The following MCAM variants were observed in gnomAD, a reference collection of about 807,000 sequenced individuals.
The protein encoded by MCAM is melanoma cell adhesion molecule.
Under a neutral mutation model 79.1 loss-of-function variants are expected in MCAM, and 55 were observed. The observed-to-expected ratio is 0.70, with a 90% CI of 0.56 to 0.87. MCAM has a LOEUF of 0.87. Ranked by LOEUF, MCAM falls within the 40% of genes least tolerant of loss-of-function variation. MCAM has a pLI of 0.00. For synonymous variants in MCAM, 330 were observed against 339.8 expected, an observed-to-expected ratio of 0.97 and a Z score of 0.32; for missense variants, 745 against 839.8, an observed-to-expected ratio of 0.89 and a Z score of 1.40.
At chr11:119,310,554 G>A in intron 14 of MCAM, 88 bp from the exon 15 acceptor site, 1 of 1,098,540 alleles carries the variant, frequency 9.1e-7, no homozygotes. Flanking sequence ...ATGGATGAGG[G>A]CTCCTTGCTC....
chr11:119,313,466 C>T (rs545636852), intron 5 of MCAM: 8 of 523,886 alleles, frequency 1.5e-5, no homozygotes, highest in Admixed American at 3.8e-5. Flanking sequence ...GGTACAATCT[C>T]GGCTCACCGC....
intron 5 of MCAM, chr11:119,313,400 T>A (rs1950263660): frequency 9.0e-7 from 1 of 1,112,312 alleles, no homozygotes; most frequent in Non-Finnish European, 1.1e-6. Flanking sequence ...CTGATAATTT[T>A]TTTTTTTTTT....
At position 119,315,391 on chromosome 11, in the gene MCAM, A is replaced by T. The variant is rs967473426; in HGVS notation, c.68-128T>A. On this transcript the variant is annotated intron_variant, in intron 1 of 15. Coordinates refer to ENST00000264036, the MANE Select transcript of MCAM (RefSeq NM_006500.3). The surrounding 1 kb of genome is among the most constrained non-coding windows in gnomAD (Gnocchi z 4.4). ...GTCTGCAGAGGGCCCTGTCCTCTGA[A>T]CGCTCTACCCCCACCCCGACCCGCG... 8.0e-7 allele frequency: 1 copy of T among 1,246,746 alleles called. No homozygotes were observed. The highest frequency in any genetic ancestry group is 1.5e-5 in the African/African-American group (1 of 67,068). The allele number at this position is 1,246,746 out of a possible 1,614,324, so 77.2% of individuals were successfully genotyped here.
intron 14 of MCAM, 71 bp from the exon 15 acceptor site, chr11:119,310,537 A>C (rs1313924981): frequency 3.5e-6 from 4 of 1,156,240 alleles, no homozygotes; most frequent in Middle Eastern, 1.9e-4. Flanking sequence ...GCTGTGAAGG[A>C]TGTGGAATGG....
chr11:119,312,747 CAG>C lies in MCAM; in HGVS notation c.739+21_739+22del, dbSNP rs773929531. On this transcript the variant is annotated intron_variant, in intron 6 of 15. Coordinates refer to ENST00000264036, the MANE Select transcript of MCAM (RefSeq NM_006500.3). This position sits in a 1 kb window ranked among gnomAD's most constrained non-coding sequence, Gnocchi z 4.9. ...TTCCAGCAGCCCCAGCCCCAGTAAG[CAG>C]AGAGTCAGGTTAGTACTCACAGAAA... 6 of 1,613,190 alleles carry C rather than the reference CAG, an allele frequency of 3.7e-6. No individual in the cohort carries two copies. Among genetic ancestry groups the C allele is most frequent in the East Asian group, 4.5e-5 (2 of 44,860 alleles).
rs1202721408 is a variant in MCAM at position 119,314,828 on chromosome 11, C to T, written c.400+5G>A. On this transcript the variant is annotated splice_donor_5th_base_variant and intron_variant, in intron 3 of 15. Coordinates refer to ENST00000264036, the MANE Select transcript of MCAM (RefSeq NM_006500.3). ...TACCCTGCTGGCAGACACAGGGTCA[C>T]GCACTGTAGACGCGGAGCTGGATGC... The T allele has an allele frequency of 4.3e-6, 7 of 1,613,554 alleles. No homozygotes were observed. The highest frequency in any genetic ancestry group is 5.9e-6 in the Non-Finnish European group (7 of 1,179,962).
At position 119,312,656 on chromosome 11, in the gene MCAM, G is replaced by A. The variant is rs752580565; in HGVS notation, c.740-8C>T. The stretch of plus-strand genomic sequence containing the variant: ...ACACTTTTTCTGTCGGGTCTGCATA[G>A]GCAAAGGGGGTAGCTCTTGGCCCAT... On this transcript the variant is annotated splice_polypyrimidine_tract_variant and splice_region_variant and intron_variant, in intron 6 of 15. Transcript: ENST00000264036. This position sits in a 1 kb window ranked among gnomAD's most constrained non-coding sequence, Gnocchi z 4.9. 1.9e-6 allele frequency: 3 copies of A among 1,614,006 alleles called. No homozygotes were observed. In the African/African-American group the frequency reaches 4.0e-5, roughly 22 times the overall value.
In MCAM at chr11:119,314,579, A is replaced by T; in HGVS notation, c.472-3T>A. 1 of 1,613,684 alleles carries T rather than the reference A, an allele frequency of 6.2e-7. No individual in the cohort carries two copies. Among genetic ancestry groups the T allele is most frequent in the South Asian group, 1.1e-5 (1 of 91,066 alleles). On this transcript the variant is annotated splice_polypyrimidine_tract_variant and splice_region_variant and intron_variant, in intron 4 of 15. Transcript: ENST00000264036. ...TTCCTCCCTACACAGGTAGCGACCT[A>T]AAGAGCACAGGGTGTGAGTCTCCCT...
chr11:119,310,978 G>T (rs1317527574), intron 13 of MCAM, 75 bp from the exon 14 acceptor site: 3 of 1,613,686 alleles, frequency 1.9e-6, no homozygotes, highest in Non-Finnish European at 2.5e-6. Flanking sequence ...AGCCAGTCCA[G>T]GGCCGACAAG....
Position 119,309,618 on chromosome 11 carries a change from C to T in MCAM, c.*268G>A, listed in dbSNP as rs1408112052. On this transcript the variant is annotated 3_prime_UTR_variant, in exon 16 of 16. Coordinates refer to ENST00000264036, the MANE Select transcript of MCAM (RefSeq NM_006500.3). Reference sequence around the variant, plus strand: ...AAAAACACGTTCTGCAAGAAACTCTCCTACCCGCTCGGGAGACTGGGGCTC... The same window carrying T: ...AAAAACACGTTCTGCAAGAAACTCTTCTACCCGCTCGGGAGACTGGGGCTC... 3 of 535,594 alleles carry T rather than the reference C, an allele frequency of 5.6e-6. No homozygotes were observed. The highest frequency in any genetic ancestry group is 3.8e-5 in the African/African-American group (2 of 52,790). 33.2% of individuals were successfully genotyped at this position (535,594 alleles called of 1,614,324 possible).
rs1435604857 is a variant in MCAM at position 119,310,843 on chromosome 11, A to T, written c.1706T>A (p.Ile569Asn). 1.9e-6 allele frequency: 3 copies of T among 1,614,154 alleles called. No homozygotes were observed. Among genetic ancestry groups the T allele is most frequent in the Non-Finnish European group, 2.5e-6 (3 of 1,180,016 alleles). Residue 569 changes from isoleucine (I) to asparagine (N), a missense_variant, in exon 14 of 16, where the codon ATC becomes AAC. Ile to Asn is a moderately radical substitution (Grantham distance 149). Transcript: ENST00000264036. ...GVVIVAVIVC[I>N]LVLAVLGAVL... The stretch of plus-strand genomic sequence containing the variant: ...AGCGCCCAGCACCGCCAGGACCAGG[A>T]TGCACACAATCACAGCCACGATGAC...
intron 5 of MCAM, 165 bp from the exon 6 acceptor site, chr11:119,313,114 C>G (rs1471719046): frequency 6.5e-7 from 1 of 1,535,694 alleles, no homozygotes; most frequent in Non-Finnish European, 8.7e-7. Flanking sequence ...AGCACTTTTA[C>G]TGCTCAGTGT....
rs531998445 is a variant in MCAM, at chr11:119,312,076, G to C, written c.1119C>G (p.Leu373=). 6.2e-7 allele frequency: 1 copy of C among 1,611,778 alleles called. No individual in the cohort carries two copies. The highest frequency in any genetic ancestry group is 1.7e-5 in the Admixed American group (1 of 59,852). ...LTCEAESSQD[L]EFQWLREETG... is the part of the protein sequence containing the mutation. Reference sequence around the variant, plus strand: ...CCTCTTCTCTCAGCCACTGGAACTCGAGGTCCTGGCTACTCTCTGCCTCAC... The same window carrying C: ...CCTCTTCTCTCAGCCACTGGAACTCCAGGTCCTGGCTACTCTCTGCCTCAC... The change falls in exon 9 of 16, where the codon CTC becomes CTG. Residue 373 remains leucine (L), a synonymous_variant. Transcript: ENST00000264036. This position sits in a 1 kb window ranked among gnomAD's most constrained non-coding sequence, Gnocchi z 4.9.
In MCAM at chr11:119,312,933, C is replaced by A. The variant is rs191220491; in HGVS notation, c.576G>T (p.Ser192=). 5.0e-6 allele frequency: 8 copies of A among 1,613,950 alleles called. No individual in the cohort carries two copies. In the African/African-American group the frequency reaches 8.0e-5, roughly 16 times the overall value. ...AACCACTCGACTCCACAGTCTGGGACGACTGAATGTGGACCCCTGGGCAGG... is the reference window on the plus strand; with the variant it reads ...AACCACTCGACTCCACAGTCTGGGAAGACTGAATGTGGACCCCTGGGCAGG... The part of the protein sequence containing the change: ...KEEKNRVHIQ[S]SQTVESSGLY... Residue 192 remains serine (S), a synonymous_variant, in exon 6 of 16, where the codon TCG becomes TCT. Transcript: ENST00000264036. This position sits in a 1 kb window ranked among gnomAD's most constrained non-coding sequence, Gnocchi z 4.9.
intron 14 of MCAM, 58 bp downstream of exon 14, chr11:119,310,698 C>A: frequency 4.5e-6 from 7 of 1,572,998 alleles, no homozygotes; most frequent in Non-Finnish European, 6.1e-6. Context: ...GGGCGCTGGG[C>A]AGGCAGCAGG....
At position 119,316,680 on chromosome 11, in the gene MCAM, G is replaced by A. The variant is rs1565283878; in HGVS notation, c.67+355C>T. On this transcript the variant is annotated intron_variant, in intron 1 of 15. Transcript: ENST00000264036. The surrounding 1 kb of genome is among the most constrained non-coding windows in gnomAD (Gnocchi z 4.8). The stretch of plus-strand genomic sequence containing the variant: ...GGCGCGGAATTCAGGCTTTGAGGAT[G>A]CGCCCCAGCTGCGCCTCCTGCCCGG... The A allele has an allele frequency of 4.3e-6, 1 of 231,972 alleles. No individual in the cohort carries two copies. Among genetic ancestry groups the A allele is most frequent in the Non-Finnish European group, 8.4e-6 (1 of 118,496 alleles). The allele number at this position is 231,972 out of a possible 1,614,324, so 14.4% of individuals were successfully genotyped here. A position where few individuals can be genotyped will look rare whatever the true frequency, so the allele number is the denominator to read the frequency against.
In MCAM at chr11:119,312,909, AC is replaced by A. The variant is rs1226829093; in HGVS notation, c.599del (p.Gly200ValfsTer9). On this transcript the variant is annotated frameshift_variant, in exon 6 of 16. Coordinates refer to ENST00000264036, the MANE Select transcript of MCAM (RefSeq NM_006500.3). LOFTEE classifies it high-confidence loss of function. This position sits in a 1 kb window ranked among gnomAD's most constrained non-coding sequence, Gnocchi z 4.9. Reference protein sequence around the residue: ...IQSSQTVESSGLYTLQSILKA... With the variant: ...IQSSQTVESSXLYTLQSILKA... ...TCAGAATACTCTGCAAGGTGTACAAACCACTCGACTCCACAGTCTGGGACGA... is the reference window on the plus strand; with the variant it reads ...TCAGAATACTCTGCAAGGTGTACAAACACTCGACTCCACAGTCTGGGACGA... The A allele has an allele frequency of 6.2e-7, 1 of 1,614,120 alleles. No individual in the cohort carries two copies. The highest frequency in any genetic ancestry group is 8.5e-7 in the Non-Finnish European group (1 of 1,180,014).
At chr11:119,314,263 C>A in intron 5 of MCAM, 1 of 536,598 alleles carries the variant, frequency 1.9e-6, no homozygotes, top group East Asian at 3.5e-5. Context: ...TCATATGATC[C>A]TCCTGCCTCA....
rs1253400544 is a variant in MCAM at position 119,311,511 on chromosome 11, A to T, written c.1407+19T>A. ...CAGGCAGGGATTAGGAGAGTGTGGC[A>T]GATGAGACACCCGCTCACCGTGCCG... On this transcript the variant is annotated intron_variant, in intron 11 of 15. Coordinates refer to ENST00000264036, the MANE Select transcript of MCAM (RefSeq NM_006500.3). The surrounding 1 kb of genome is among the most constrained non-coding windows in gnomAD (Gnocchi z 4.4). 7 of 1,614,028 alleles carry T rather than the reference A, an allele frequency of 4.3e-6. No individual in the cohort carries two copies. The highest frequency in any genetic ancestry group is 5.9e-6 in the Non-Finnish European group (7 of 1,179,998).
Sources: gnomAD v4.1 joint callset for allele counts on GRCh38, gnomAD v4.1.1 for gene constraint, Gnocchi (gnomAD v3.1) non-coding constraint, MANE v1.5 for transcripts, NCBI Gene and HGNC (gene_info 2026-07-23, HGNC 2026-07-21) for gene names.